The following SDF2L1 variants were observed in gnomAD, a reference collection of about 807,000 sequenced individuals.
The protein encoded by SDF2L1 is stromal cell-derived factor 2-like protein 1.
In SDF2L1, 18 loss-of-function variants were observed where a neutral mutation model predicts 19.4. That is an observed-to-expected ratio of 0.93 (90% CI 0.64 to 1.38). The LOEUF is 1.38. Among genes scored for constraint, SDF2L1 ranks in the 40% most tolerant of loss-of-function variants. The pLI, the probability that SDF2L1 is intolerant of heterozygous loss-of-function variation, is 0.00. For missense variants in SDF2L1, 263 were observed against 319.4 expected (o/e 0.82, Z 1.35); for synonymous variants, 161 against 148.9 (o/e 1.08, Z -0.59).
chr22:21,643,357 G>A (rs2066096276), intron 2 of SDF2L1: 1 of 548,160 alleles, frequency 1.8e-6, no homozygotes, highest in Admixed American at 3.6e-5. Context: ...TGAGGGTGGG[G>A]AATAGGAAAC....
At position 21,642,367 on chromosome 22, in the gene SDF2L1, T is replaced by C. The variant is rs985284043; in HGVS notation, c.31T>C (p.Trp11Arg). 9 of 1,410,186 alleles carry C rather than the reference T, an allele frequency of 6.4e-6. No homozygotes were observed. The highest frequency in any genetic ancestry group is 8.3e-6 in the Non-Finnish European group (9 of 1,089,428). 87.4% of individuals were successfully genotyped at this position (1,410,186 alleles called of 1,614,324 possible). A position where few individuals can be genotyped will look rare whatever the true frequency, so the allele number is the denominator to read the frequency against. ...GAGCGCGGGCCGCGGCGGGGCTGCC[T>C]GGCCGGTGCTGTTGGGGCTGCTGCT... MWSAGRGGAA[W>R]PVLLGLLLAL... The change falls in exon 1 of 3, where the codon TGG becomes CGG. Residue 11 changes from tryptophan to arginine, a missense_variant. This residue lies in a region of SDF2L1 where 56 missense variants were observed against 45.3 expected (regional missense o/e 1.24). Coordinates refer to ENST00000248958, the MANE Select transcript of SDF2L1 (RefSeq NM_022044.3).
In SDF2L1 at chr22:21,643,058, G is replaced by A. The variant is rs1321535407; in HGVS notation, c.384G>A (p.Gln128=). ...HHFPSPLSNN[Q]EVSAFGEDGE... is the part of the protein sequence containing the mutation. ...TCCCGTCGCCGCTGTCCAACAACCA[G>A]GTGAGCCCCTCCCGGAGCCCCCAGA... Residue 128 remains glutamine, a splice_region_variant and synonymous_variant, in exon 2 of 3, where the codon CAG becomes CAA. Coordinates refer to ENST00000248958, the MANE Select transcript of SDF2L1 (RefSeq NM_022044.3). The A allele has an allele frequency of 1.9e-6, 3 of 1,553,622 alleles. No homozygotes were observed. The East Asian group carries it at 7.2e-5, about 37-fold the overall frequency.
At position 21,642,534 on chromosome 22, in the gene SDF2L1, C is replaced by T; in HGVS notation, c.187+11C>T. 1 of 1,512,066 alleles carries T rather than the reference C, an allele frequency of 6.6e-7. No individual in the cohort carries two copies. Among genetic ancestry groups the T allele is most frequent in the Non-Finnish European group, 8.8e-7 (1 of 1,137,512 alleles). The allele number at this position is 1,512,066 out of a possible 1,614,324, so 93.7% of individuals were successfully genotyped here. A position where few individuals can be genotyped will look rare whatever the true frequency, so the allele number is the denominator to read the frequency against. ...TCAAATACGGATCCGGTGCGTGGGG[C>T]CAGCGACTGGGAGAGCGCGGGGAAC... On this transcript the variant is annotated intron_variant, in intron 1 of 2. Coordinates refer to ENST00000248958, the MANE Select transcript of SDF2L1 (RefSeq NM_022044.3).
Position 21,642,361 on chromosome 22 carries a change from G to C in SDF2L1, c.25G>C (p.Ala9Pro). The change falls in exon 1 of 3, where the codon GCT becomes CCT. Residue 9 changes from alanine to proline, a missense_variant. Ala to Pro is a conservative substitution (Grantham distance 27). Transcript: ENST00000248958. MWSAGRGG[A>P]AWPVLLGLLL... ...GATGTGGAGCGCGGGCCGCGGCGGG[G>C]CTGCCTGGCCGGTGCTGTTGGGGCT... 1 of 1,402,122 alleles carries C rather than the reference G, an allele frequency of 7.1e-7. No homozygotes were observed. The highest frequency in any genetic ancestry group is 1.6e-5 in the South Asian group (1 of 60,978). The allele number at this position is 1,402,122 out of a possible 1,614,324, so 86.9% of individuals were successfully genotyped here. A position where few individuals can be genotyped will look rare whatever the true frequency, so the allele number is the denominator to read the frequency against.
At position 21,644,087 on chromosome 22, in the gene SDF2L1, G is replaced by C. The variant is rs768274562; in HGVS notation, c.578G>C (p.Ser193Thr). ...CAGCATGAGGTCCACGGCATGCCCA[G>C]TGCCAACACGCACAATACGTGGAAG... ...RGQHEVHGMP[S>T]ANTHNTWKAM... Residue 193 changes from serine to threonine, a missense_variant, in exon 3 of 3, where the codon AGT becomes ACT. Around this residue, in one of 3 missense-constraint regions of SDF2L1, gnomAD observed 203 missense variants for 256.9 expected, o/e 0.79. Coordinates refer to ENST00000248958, the MANE Select transcript of SDF2L1 (RefSeq NM_022044.3). 6.2e-7 allele frequency: 1 copy of C among 1,614,068 alleles called. No individual in the cohort carries two copies. The highest frequency in any genetic ancestry group is 8.5e-7 in the Non-Finnish European group (1 of 1,180,044).
intron 2 of SDF2L1, 184 bp downstream of exon 2, chr22:21,643,242 C>G: frequency 1.4e-6 from 1 of 700,600 alleles, no homozygotes; most frequent in Non-Finnish European, 2.3e-6. Flanking sequence ...CTCAGGTGCT[C>G]CCGGCCCGGC....
At chr22:21,642,797 CAGGGCG>C in intron 1 of SDF2L1, 59 bp from the exon 2 acceptor site, 1 of 1,529,752 alleles carries the variant, frequency 6.5e-7, no homozygotes, top group Non-Finnish European at 8.8e-7. Context: ...GTTCTGGTCC[CAGGGCG>C]AGGGTCCGGG....
In SDF2L1 at chr22:21,643,877, A is replaced by G. The variant is rs1287304393; in HGVS notation, c.385-17A>G. ...CTTCTGTGGTGACCACTGTCTTCTC[A>G]TCCTTTGCACCTATAGGAGGTGAGT... On this transcript the variant is annotated splice_polypyrimidine_tract_variant and intron_variant, in intron 2 of 2. Transcript: ENST00000248958. 1 of 1,604,510 alleles carries G rather than the reference A, an allele frequency of 6.2e-7. No homozygotes were observed. Among genetic ancestry groups the G allele is most frequent in the Non-Finnish European group, 8.5e-7 (1 of 1,173,550 alleles).
At position 21,642,449 on chromosome 22, in the gene SDF2L1, GCGGGT is replaced by G. The variant is rs2066086372; in HGVS notation, c.117_121del (p.Ser40AlafsTer39). 1 of 1,480,542 alleles carries G rather than the reference GCGGGT, an allele frequency of 6.8e-7. No homozygotes were observed. The allele number at this position is 1,480,542 out of a possible 1,614,324, so 91.7% of individuals were successfully genotyped here. On this transcript the variant is annotated frameshift_variant, in exon 1 of 3. Coordinates refer to ENST00000248958, the MANE Select transcript of SDF2L1 (RefSeq NM_022044.3). LOFTEE classifies it high-confidence loss of function. Reference sequence around the variant, plus strand: ...AAGACCGGTGCGGAGCTCGTGACCTGCGGGTCGGTGCTGAAGCTGCTCAATACGCA... The same window carrying G: ...AAGACCGGTGCGGAGCTCGTGACCTGCGGTGCTGAAGCTGCTCAATACGCA...
rs1488502143 is a variant in SDF2L1, at chr22:21,642,887, C to A, written c.213C>A (p.Gly71=). 1 of 1,597,124 alleles carries A rather than the reference C, an allele frequency of 6.3e-7. No individual in the cohort carries two copies. Among genetic ancestry groups the A allele is most frequent in the Non-Finnish European group, 8.5e-7 (1 of 1,173,758 alleles). Residue 71 remains glycine (G), a synonymous_variant, in exon 2 of 3, where the codon GGC becomes GGA. Transcript: ENST00000248958. ...GCAGCGGCCAGCAATCGGTGACCGGCGTAGAGGCGTCGGACGACGCCAATA... is the reference window on the plus strand; with the variant it reads ...GCAGCGGCCAGCAATCGGTGACCGGAGTAGAGGCGTCGGACGACGCCAATA... ...GSGSGQQSVT[G]VEASDDANSY...
chr22:21,642,391 C>A lies in SDF2L1; in HGVS notation c.55C>A (p.Leu19Met), dbSNP rs904779403. 2.5e-5 allele frequency: 36 copies of A among 1,447,634 alleles called. No individual in the cohort carries two copies. Among genetic ancestry groups the A allele is most frequent in the Non-Finnish European group, 9.0e-7 (1 of 1,110,616 alleles). 89.7% of individuals were successfully genotyped at this position (1,447,634 alleles called of 1,614,324 possible). A position where few individuals can be genotyped will look rare whatever the true frequency, so the allele number is the denominator to read the frequency against. The change falls in exon 1 of 3, where the codon CTG becomes ATG. Residue 19 changes from leucine (L) to methionine (M), a missense_variant. Around this residue, in one of 3 missense-constraint regions of SDF2L1, gnomAD observed 56 missense variants for 45.3 expected, o/e 1.24. Transcript: ENST00000248958. ...AAWPVLLGLL[L>M]ALLVPGGGAA... ...CTGGCCGGTGCTGTTGGGGCTGCTGCTGGCGCTGTTAGTGCCGGGCGGTGG... is the reference window on the plus strand; with the variant it reads ...CTGGCCGGTGCTGTTGGGGCTGCTGATGGCGCTGTTAGTGCCGGGCGGTGG...
chr22:21,643,976 G>A lies in SDF2L1; in HGVS notation c.467G>A (p.Arg156His), dbSNP rs759307174. 2.3e-5 allele frequency: 37 copies of A among 1,614,042 alleles called. No homozygotes were observed. The South Asian group carries it at 3.8e-4, about 17-fold the overall frequency. The change falls in exon 3 of 3, where the codon CGT (arginine) becomes CAT (histidine). Residue 156 changes from arginine (R) to histidine (H), a missense_variant. This residue lies in a region of SDF2L1 where 203 missense variants were observed against 256.9 expected (regional missense o/e 0.79). Coordinates refer to ENST00000248958, the MANE Select transcript of SDF2L1 (RefSeq NM_022044.3). Reference sequence around the variant, plus strand: ...CGCTGCTCTGGACAGCACTGGGAGCGTGAGGCTGCTGTGCGCTTCCAGCAT... The same window carrying A: ...CGCTGCTCTGGACAGCACTGGGAGCATGAGGCTGCTGTGCGCTTCCAGCAT... Reference protein sequence around the residue: ...TVRCSGQHWEREAAVRFQHVG... With the variant: ...TVRCSGQHWEHEAAVRFQHVG...
chr22:21,643,040 G>A lies in SDF2L1; in HGVS notation c.366G>A (p.Ser122=), dbSNP rs544617655. The stretch of plus-strand genomic sequence containing the variant: ...ACCTGCACACGCACCACTTCCCGTC[G>A]CCGCTGTCCAACAACCAGGTGAGCC... ...GKNLHTHHFP[S]PLSNNQEVSA... is the part of the protein sequence containing the mutation. The change falls in exon 2 of 3, where the codon TCG becomes TCA. Residue 122 remains serine, a synonymous_variant. Transcript: ENST00000248958. 3 of 1,556,044 alleles carry A rather than the reference G, an allele frequency of 1.9e-6. No homozygotes were observed. Among genetic ancestry groups the A allele is most frequent in the Admixed American group, 1.9e-5 (1 of 51,584 alleles).
At position 21,643,134 on chromosome 22, in the gene SDF2L1, C is replaced by G; in HGVS notation, c.384+76C>G. 4 of 1,479,064 alleles carry G rather than the reference C, an allele frequency of 2.7e-6. No individual in the cohort carries two copies. In the South Asian group the frequency reaches 3.8e-5, roughly 14 times the overall value. 91.6% of individuals were successfully genotyped at this position (1,479,064 alleles called of 1,614,324 possible). A position where few individuals can be genotyped will look rare whatever the true frequency, so the allele number is the denominator to read the frequency against. On this transcript the variant is annotated intron_variant, in intron 2 of 2. Transcript: ENST00000248958. Reference sequence around the variant, plus strand: ...CAGAGACAGAGCCCTGGGTTCCAATCCGAGCCTCAGCTTCTTCGTGAAATG... The same window carrying G: ...CAGAGACAGAGCCCTGGGTTCCAATGCGAGCCTCAGCTTCTTCGTGAAATG...
chr22:21,643,062 A>G lies in SDF2L1; in HGVS notation c.384+4A>G, dbSNP rs1339238791. 10 of 1,552,832 alleles carry G rather than the reference A, an allele frequency of 6.4e-6. No homozygotes were observed. The highest frequency in any genetic ancestry group is 8.7e-6 in the Non-Finnish European group (10 of 1,148,766). On this transcript the variant is annotated splice_donor_region_variant and intron_variant, in intron 2 of 2. Transcript: ENST00000248958. The stretch of plus-strand genomic sequence containing the variant: ...GTCGCCGCTGTCCAACAACCAGGTG[A>G]GCCCCTCCCGGAGCCCCCAGAGAGA...
intron 2 of SDF2L1, 82 bp downstream of exon 2, chr22:21,643,140 C>T: frequency 6.9e-7 from 1 of 1,458,520 alleles, no homozygotes; most frequent in Non-Finnish European, 9.2e-7. Context: ...CAATCCGAGC[C>T]TCAGCTTCTT....
chr22:21,643,202 G>T, intron 2 of SDF2L1, 144 bp downstream of exon 2: 1 of 1,028,352 alleles, frequency 9.7e-7, no homozygotes, highest in South Asian at 1.7e-5. Flanking sequence ...CCCCTCGGGG[G>T]ACACAGAGTA....
chr22:21,642,739 G>A, intron 1 of SDF2L1, 123 bp from the exon 2 acceptor site: 3 of 1,252,864 alleles, frequency 2.4e-6, no homozygotes, highest in Non-Finnish European at 3.3e-6. Context: ...AGACTGAGGG[G>A]GTGTCAGGCG....
At position 21,642,888 on chromosome 22, in the gene SDF2L1, G is replaced by A. The variant is rs2066091130; in HGVS notation, c.214G>A (p.Val72Ile). ...SGSGQQSVTG[V>I]EASDDANSYW... The stretch of plus-strand genomic sequence containing the variant: ...CAGCGGCCAGCAATCGGTGACCGGC[G>A]TAGAGGCGTCGGACGACGCCAATAG... The change falls in exon 2 of 3, where the codon GTA becomes ATA. Residue 72 changes from valine to isoleucine, a missense_variant. Physicochemically the swap from Val to Ile is conservative, Grantham distance 29. Coordinates refer to ENST00000248958, the MANE Select transcript of SDF2L1 (RefSeq NM_022044.3). 6.3e-7 allele frequency: 1 copy of A among 1,597,356 alleles called. No homozygotes were observed. Among genetic ancestry groups the A allele is most frequent in the Non-Finnish European group, 8.5e-7 (1 of 1,173,858 alleles).
Sources: allele counts gnomAD v4.1 joint callset, GRCh38; gene constraint gnomAD v4.1.1; regional missense constraint gnomAD v4.1.1; transcripts MANE v1.5; gene names NCBI Gene and HGNC (gene_info 2026-07-23, HGNC 2026-07-21).